The following TFCP2 variants were observed in gnomAD, a reference collection of about 807,000 sequenced individuals.
TFCP2 encodes the protein alpha-globin transcription factor CP2.
A neutral mutation model predicts 73.4 loss-of-function variants in TFCP2; 33 were observed. The observed-to-expected ratio is 0.45, with a 90% CI of 0.34 to 0.60. TFCP2 has a LOEUF of 0.60. Among genes scored for constraint, TFCP2 ranks in the 20% least tolerant of loss-of-function variants. The pLI is 0.01. For missense variants in TFCP2, 352 were observed against 604.0 expected (o/e 0.58, Z 4.37); for synonymous variants, 193 against 211.6 (o/e 0.91, Z 0.76).
intron 1 of TFCP2, among the ~76,000 whole-genome samples, chr12:51,149,703 G>A (rs946747021): frequency 4.6e-5 from 7 of 152,088 alleles, no homozygotes; most frequent in South Asian, 4.1e-4. Flanking sequence ...AGGTTCAAGC[G>A]ATTCTCGTGC....
At position 51,163,317 on chromosome 12, in the gene TFCP2, C is replaced by T. The variant is rs367583436; in HGVS notation, c.122+8984G>A. Among the ~76,000 whole-genome samples, 21 of 151,962 alleles carry T rather than the reference C, an allele frequency of 1.4e-4. No homozygotes were observed. In the East Asian group the frequency reaches 2.3e-3, roughly 17 times the overall value. ...AAAATAATAGTAATAAGGCCGGGCG[C>T]GGTGGCTCACGCCTATAATCCCAGC... On this transcript the variant is annotated intron_variant, in intron 1 of 14. Coordinates refer to ENST00000257915, the MANE Select transcript of TFCP2 (RefSeq NM_005653.5).
chr12:51,147,446 A>C (rs1941322393), intron 1 of TFCP2, among the ~76,000 whole-genome samples: 2 of 152,104 alleles, frequency 1.3e-5, no homozygotes, highest in South Asian at 4.2e-4. Flanking sequence ...GTTCTACTTG[A>C]GGCATAGTGA....
At chr12:51,122,243 TTTTTC>T (rs1262901322) in intron 1 of TFCP2, among the ~76,000 whole-genome samples, 21 of 148,846 alleles carry the variant, frequency 1.4e-4, no homozygotes, top group East Asian at 3.9e-4. Flanking sequence ...AGTTTTATTT[TTTTTC>T]TTTTCTTTTT....
At chr12:51,155,398 G>GT (rs1455460751) in intron 1 of TFCP2, among the ~76,000 whole-genome samples, 1 of 152,008 alleles carries the variant, frequency 6.6e-6, no homozygotes, top group Non-Finnish European at 1.5e-5. Context: ...TATCCTATTG[G>GT]TTTTGTCTCT....
At chr12:51,147,616 A>ATC (rs1941326903) in intron 1 of TFCP2, among the ~76,000 whole-genome samples, 1 of 152,166 alleles carries the variant, frequency 6.6e-6, no homozygotes, top group African/African-American at 2.4e-5. Context: ...CTGGATCCTC[A>ATC]TCTCTCACCT....
intron 13 of TFCP2, 29 bp from the exon 14 acceptor site, chr12:51,096,069 T>C (rs1939960059): frequency 6.2e-7 from 1 of 1,602,190 alleles, no homozygotes; most frequent in Non-Finnish European, 8.5e-7. Flanking sequence ...TTTGTGATTA[T>C]TTAAATGAAA....
chr12:51,128,687 G>A (rs1390609366), intron 1 of TFCP2, among the ~76,000 whole-genome samples: 1 of 152,156 alleles, frequency 6.6e-6, no homozygotes, highest in East Asian at 1.9e-4. Flanking sequence ...TAAAAGTTAA[G>A]TGGCTTCACA....
chr12:51,142,163 C>T (rs1941206972), intron 1 of TFCP2, among the ~76,000 whole-genome samples: 1 of 134,848 alleles, frequency 7.4e-6, no homozygotes, highest in African/African-American at 2.9e-5. Flanking sequence ...GAGATTGTGC[C>T]ACGGCACTCC....
At chr12:51,097,675 CAAAT>C (rs1454094264) in intron 13 of TFCP2, among the ~76,000 whole-genome samples, 1 of 151,782 alleles carries the variant, frequency 6.6e-6, no homozygotes, top group Non-Finnish European at 1.5e-5. Flanking sequence ...TTATTTCAAA[CAAAT>C]ATAGTAGGAT....
chr12:51,096,154 G>T, intron 13 of TFCP2, 114 bp from the exon 14 acceptor site: 1 of 741,988 alleles, frequency 1.3e-6, no homozygotes, highest in Non-Finnish European at 2.2e-6. Context: ...GGCTTTACAG[G>T]TCACAAATAA....
At chr12:51,118,041 A>G (rs898334512) in intron 2 of TFCP2, among the ~76,000 whole-genome samples, 7 of 152,238 alleles carry the variant, frequency 4.6e-5, no homozygotes, top group African/African-American at 1.7e-4. Flanking sequence ...TAAATAATAG[A>G]GCCAGGTAGA....
chr12:51,135,197 C>T (rs533755798), intron 1 of TFCP2, among the ~76,000 whole-genome samples: 8 of 151,866 alleles, frequency 5.3e-5, no homozygotes, highest in African/African-American at 1.2e-4. Context: ...GAGGCCGAGG[C>T]GGGCGGATCA....
chr12:51,162,132 G>GA (rs200605431), intron 1 of TFCP2, among the ~76,000 whole-genome samples: 116 of 149,498 alleles, frequency 7.8e-4, no homozygotes, highest in Non-Finnish European at 1.1e-3. Context: ...TAAGGAGCAG[G>GA]AAAAAAAAAC....
intron 1 of TFCP2, among the ~76,000 whole-genome samples, chr12:51,120,861 G>T (rs1390390720): frequency 6.7e-5 from 9 of 134,814 alleles, no homozygotes; most frequent in Admixed American, 4.3e-4. Flanking sequence ...CTTGAGCCGA[G>T]ATTGTGCCAC....
rs979061115 is a variant in TFCP2, at chr12:51,093,853, C to A, written c.*1388G>T. ...CTTTAAACACACACACACACACACA[C>A]ACACACAAATCCAAATCCAATACAC... is the stretch of plus-strand genomic sequence containing the variant. On this transcript the variant is annotated 3_prime_UTR_variant, in exon 15 of 15. Transcript: ENST00000257915. 7.0e-6 allele frequency: 1 copy of A among 142,286 alleles called. No individual in the cohort carries two copies. Among genetic ancestry groups the A allele is most frequent in the African/African-American group, 2.6e-5 (1 of 37,990 alleles). The allele number at this position is 142,286 out of a possible 1,614,324, so 8.8% of individuals were successfully genotyped here.
rs188664615 is a variant in TFCP2, at chr12:51,141,660, G to T, written c.123-22888C>A. Reference sequence around the variant, plus strand: ...CACACTTGTAATCCCAGCACTTTGGGAGGCCGATGTGGGCAGATCACTTGA... The same window carrying T: ...CACACTTGTAATCCCAGCACTTTGGTAGGCCGATGTGGGCAGATCACTTGA... On this transcript the variant is annotated intron_variant, in intron 1 of 14. Coordinates refer to ENST00000257915, the MANE Select transcript of TFCP2 (RefSeq NM_005653.5). Among the ~76,000 whole-genome samples the T allele has an allele frequency of 2.5e-3, 384 of 152,004 alleles. 1 individual carries two copies. Among genetic ancestry groups the T allele is most frequent in the African/African-American group, 9.1e-3 (376 of 41,460 alleles).
At chr12:51,116,794 T>C (rs1940538285) in intron 3 of TFCP2, among the ~76,000 whole-genome samples, 1 of 152,130 alleles carries the variant, frequency 6.6e-6, no homozygotes, top group East Asian at 1.9e-4. Flanking sequence ...ATTTTGTATT[T>C]TTTGTAGAGA....
intron 1 of TFCP2, among the ~76,000 whole-genome samples, chr12:51,165,614 G>A (rs1001349456): frequency 1.1e-4 from 17 of 152,280 alleles, no homozygotes; most frequent in African/African-American, 4.1e-4. Flanking sequence ...GGGGAGATGG[G>A]AAGTTAGTGT....
At chr12:51,127,078 G>C (rs552396227) in intron 1 of TFCP2, among the ~76,000 whole-genome samples, 23 of 152,308 alleles carry the variant, frequency 1.5e-4, no homozygotes, top group Non-Finnish European at 2.6e-4. Flanking sequence ...CTATCATCCA[G>C]AAGGTAGAAG....
Sources: gnomAD v4.1 joint callset for allele counts (sites outside exome capture counted in the v4.1 genomes callset) on GRCh38, gnomAD v4.1.1 for gene constraint, MANE v1.5 for transcripts, NCBI Gene and HGNC (gene_info 2026-07-23, HGNC 2026-07-21) for gene names.